CCDC80: variants seen among roughly 807,000 people sequenced by gnomAD.
CCDC80 encodes coiled-coil domain containing 80, also known as coiled-coil domain-containing protein 80.
In CCDC80, 49 loss-of-function variants were observed where a neutral mutation model predicts 78.7. The observed-to-expected ratio is 0.62, with a 90% CI of 0.50 to 0.79. The LOEUF is 0.79. Among genes scored for constraint, CCDC80 ranks in the 30% least tolerant of loss-of-function variants. CCDC80 has a pLI of 0.00. For missense variants in CCDC80, 1,205 were observed against 1,198.6 expected (o/e 1.01, Z -0.08); for synonymous variants, 488 against 447.0 (o/e 1.09, Z -1.16).
In CCDC80 at chr3:112,616,449, G is replaced by A. The variant is rs73231351; in HGVS notation, c.2321+261C>T. The stretch of plus-strand genomic sequence containing the variant: ...CAAAGAAAGAGAAAAAAAAAGAAAA[G>A]AAAAAAAAAAAAACAGAGAAAAGAC... On this transcript the variant is annotated intron_variant, in intron 5 of 7. Transcript: ENST00000206423. Among the ~76,000 whole-genome samples the A allele has an allele frequency of 2.4e-3, 318 of 133,490 alleles. 1 individual carries two copies. Among genetic ancestry groups the A allele is most frequent in the Middle Eastern group, 4.0e-3 (1 of 248 alleles). 87.6% of individuals were successfully genotyped at this position (133,490 alleles called of 152,430 possible).
intron 4 of CCDC80, among the ~76,000 whole-genome samples, chr3:112,618,534 TA>T (rs1215046972): frequency 1.2e-4 from 18 of 145,882 alleles, no homozygotes; most frequent in African/African-American, 3.0e-4. Flanking sequence ...CTCAAAATAA[TA>T]AAAAAAAAAC....
intron 3 of CCDC80, among the ~76,000 whole-genome samples, chr3:112,628,762 T>C (rs1936031591): frequency 6.6e-6 from 1 of 151,720 alleles, no homozygotes; most frequent in African/African-American, 2.4e-5. Context: ...TGTCTAAAAA[T>C]AAATCATCAA....
chr3:112,617,233 G>A (rs1244392831), intron 4 of CCDC80, among the ~76,000 whole-genome samples: 1 of 152,170 alleles, frequency 6.6e-6, no homozygotes, highest in Non-Finnish European at 1.5e-5. Context: ...AAACTAAATG[G>A]AATAACATGT....
rs1936328765 is a variant in CCDC80, at chr3:112,641,031, A to T, written c.-716T>A. ...TTGCTCCAAACCAAACTCAAACAAC[A>T]GCAGCCACTGGAAATCAAGGAAACT... is the stretch of plus-strand genomic sequence containing the variant. On this transcript the variant is annotated 5_prime_UTR_variant, in exon 1 of 8. Coordinates refer to ENST00000206423, the MANE Select transcript of CCDC80 (RefSeq NM_199511.3). 1.3e-5 allele frequency: 2 copies of T among 152,196 alleles called. No homozygotes were observed. Among genetic ancestry groups the T allele is most frequent in the Admixed American group, 1.3e-4 (2 of 15,282 alleles). The allele number at this position is 152,196 out of a possible 1,614,324, so 9.4% of individuals were successfully genotyped here.
Position 112,605,908 on chromosome 3 carries a change from C to T in CCDC80, c.2507-145G>A, listed in dbSNP as rs575078684. On this transcript the variant is annotated intron_variant, in intron 7 of 7. Coordinates refer to ENST00000206423, the MANE Select transcript of CCDC80 (RefSeq NM_199511.3). ...TTCAAAATCTAATTAAAGAAGTTTG[C>T]TGGGGCTTTTTCTACTAGAAATTAA... 8.8e-5 allele frequency: 62 copies of T among 708,522 alleles called. No homozygotes were observed. The East Asian group carries it at 1.6e-3, about 19-fold the overall frequency. 43.9% of individuals were successfully genotyped at this position (708,522 alleles called of 1,614,324 possible). A position where few individuals can be genotyped will look rare whatever the true frequency, so the allele number is the denominator to read the frequency against.
At chr3:112,622,822 A>ATTTTTTT (rs373170477) in intron 3 of CCDC80, among the ~76,000 whole-genome samples, 7 of 118,898 alleles carry the variant, frequency 5.9e-5, no homozygotes, top group African/African-American at 1.0e-4. Context: ...TGCCCAGCTA[A>ATTTTTTT]TTTTTTTTTT....
At chr3:112,627,805 T>G (rs1026920670) in intron 3 of CCDC80, among the ~76,000 whole-genome samples, 3 of 146,012 alleles carry the variant, frequency 2.1e-5, no homozygotes, top group African/African-American at 7.6e-5. Flanking sequence ...CAAAATCAGG[T>G]CCCGGCTACC....
intron 5 of CCDC80, among the ~76,000 whole-genome samples, chr3:112,612,345 C>T (rs1389290335): frequency 2.0e-5 from 3 of 152,060 alleles, no homozygotes; most frequent in Non-Finnish European, 4.4e-5. Flanking sequence ...TGGGTGAGGT[C>T]TATTTTGGTT....
At chr3:112,614,487 A>G (rs1346323789) in intron 5 of CCDC80, among the ~76,000 whole-genome samples, 1 of 151,932 alleles carries the variant, frequency 6.6e-6, no homozygotes, top group East Asian at 1.9e-4. Context: ...ATGATCTTGG[A>G]TCAGAAGTTG....
chr3:112,640,743 G>A lies in CCDC80; in HGVS notation c.-428C>T, dbSNP rs950615809. 6 of 152,218 alleles carry A rather than the reference G, an allele frequency of 3.9e-5. No individual in the cohort carries two copies. Among genetic ancestry groups the A allele is most frequent in the African/African-American group, 1.4e-4 (6 of 41,428 alleles). 9.4% of individuals were successfully genotyped at this position (152,218 alleles called of 1,614,324 possible). A position where few individuals can be genotyped will look rare whatever the true frequency, so the allele number is the denominator to read the frequency against. On this transcript the variant is annotated 5_prime_UTR_variant, in exon 1 of 8. Transcript: ENST00000206423. ...GAATCTCACTCTTTCCCTCTTTAAA[G>A]TTCCAGGATCCTTCTTATCTCCCTT... is the stretch of plus-strand genomic sequence containing the variant.
In CCDC80 at chr3:112,638,766, G is replaced by C. The variant is rs1439377021; in HGVS notation, c.1140C>G (p.Ala380=). The change falls in exon 2 of 8, where the codon GCC becomes GCG. Residue 380 remains alanine (A), a synonymous_variant. Coordinates refer to ENST00000206423, the MANE Select transcript of CCDC80 (RefSeq NM_199511.3). ...TCCAGGGCCTCTGCGTGGTGGGAAAGGCAGTGGTGGTCATAGGTCTTGCAG... is the reference window on the plus strand; with the variant it reads ...TCCAGGGCCTCTGCGTGGTGGGAAACGCAGTGGTGGTCATAGGTCTTGCAG... The part of the protein sequence containing the change: ...TVAARPMTTT[A]FPTTQRPWTP... The C allele has an allele frequency of 1.9e-6, 3 of 1,613,828 alleles. No homozygotes were observed. Among genetic ancestry groups the C allele is most frequent in the Non-Finnish European group, 2.5e-6 (3 of 1,180,032 alleles).
rs749903251 is a variant in CCDC80 at position 112,607,221 on chromosome 3, C to T, written c.2461G>A (p.Val821Ile). Residue 821 changes from valine (V) to isoleucine (I), a missense_variant, in exon 7 of 8, where the codon GTT becomes ATT. Val to Ile is a conservative substitution (Grantham distance 29, BLOSUM62 3). Transcript: ENST00000206423. Reference sequence around the variant, plus strand: ...AACACTCCCCCAACTTCCTCTCCAACGCCTAAAAGCTTCAGAATGGTTATG... The same window carrying T: ...AACACTCCCCCAACTTCCTCTCCAATGCCTAAAAGCTTCAGAATGGTTATG... ...RHITILKLLG[V>I]GEEVGGVLEL... The T allele has an allele frequency of 1.2e-5, 19 of 1,613,886 alleles. No homozygotes were observed. Among genetic ancestry groups the T allele is most frequent in the East Asian group, 6.7e-5 (3 of 44,860 alleles).
chr3:112,626,075 A>G (rs971365265), intron 3 of CCDC80, among the ~76,000 whole-genome samples: 1 of 152,168 alleles, frequency 6.6e-6, no homozygotes, highest in Admixed American at 6.5e-5. Flanking sequence ...TACATTTGAC[A>G]TATCAGGCAC....
chr3:112,638,455 G>C lies in CCDC80; in HGVS notation c.1451C>G (p.Pro484Arg), dbSNP rs760102914. 1 of 1,613,498 alleles carries C rather than the reference G, an allele frequency of 6.2e-7. No individual in the cohort carries two copies. Among genetic ancestry groups the C allele is most frequent in the South Asian group, 1.1e-5 (1 of 91,034 alleles). Residue 484 changes from proline (P) to arginine (R), a missense_variant, in exon 2 of 8, where the codon CCT (proline) becomes CGT (arginine). Transcript: ENST00000206423. ...AGGTTTCTCCTTTGCTGGCTTGGGA[G>C]GACCTGGCACCACATTTGGGTCTCG... ...GHRDPNVVPGPPKPAKEKPPK... is the reference protein window; with the variant it reads ...GHRDPNVVPGRPKPAKEKPPK...
At chr3:112,613,507 T>C (rs1437534362) in intron 5 of CCDC80, among the ~76,000 whole-genome samples, 3 of 152,096 alleles carry the variant, frequency 2.0e-5, no homozygotes, top group African/African-American at 4.8e-5. Context: ...TAAAAAAAAA[T>C]ACAAAATTTA....
At chr3:112,635,538 T>C (rs761954855) in intron 2 of CCDC80, among the ~76,000 whole-genome samples, 2 of 152,220 alleles carry the variant, frequency 1.3e-5, no homozygotes, top group Non-Finnish European at 2.9e-5. Context: ...GGCGAAAAAT[T>C]CTTTTCTCTC....
At chr3:112,617,634 T>G (rs1298003376) in intron 4 of CCDC80, among the ~76,000 whole-genome samples, 1 of 152,252 alleles carries the variant, frequency 6.6e-6, no homozygotes, top group Admixed American at 6.5e-5. Flanking sequence ...AATTAACTAA[T>G]GATGCCATTT....
At chr3:112,613,382 G>C (rs897906688) in intron 5 of CCDC80, among the ~76,000 whole-genome samples, 4 of 151,954 alleles carry the variant, frequency 2.6e-5, no homozygotes, top group African/African-American at 9.7e-5. Context: ...TATTCCTATA[G>C]TAGTAATGAA....
chr3:112,615,933 C>T (rs183336862), intron 5 of CCDC80, among the ~76,000 whole-genome samples: 5 of 152,312 alleles, frequency 3.3e-5, no homozygotes, highest in Admixed American at 6.5e-5. Context: ...CAGCAGCCCT[C>T]GGGGCTGCTC....
Sources: gnomAD v4.1 joint callset for allele counts (sites outside exome capture counted in the v4.1 genomes callset) on GRCh38, gnomAD v4.1.1 for gene constraint, MANE v1.5 for transcripts, NCBI Gene and HGNC (gene_info 2026-07-23, HGNC 2026-07-21) for gene names.